FSTL4: variants seen among roughly 807,000 people sequenced by gnomAD.
FSTL4 encodes the protein follistatin like 4.
A neutral mutation model predicts 78.2 loss-of-function variants in FSTL4; 28 were observed. The observed-to-expected ratio is 0.36, with a 90% confidence interval of 0.27 to 0.49. The LOEUF is 0.49. Among genes scored for constraint, FSTL4 ranks in the 20% least tolerant of loss-of-function variants. The pLI is 0.98. For synonymous variants in FSTL4, 422 were observed against 440.5 expected (o/e 0.96, Z 0.53); for missense variants, 922 against 1,084.9 (o/e 0.85, Z 2.11).
In FSTL4 at chr5:133,455,129, G is replaced by A. The variant is rs540090018; in HGVS notation, c.161-54143C>T. Among the ~76,000 whole-genome samples, 4 of 152,330 alleles carry A rather than the reference G, an allele frequency of 2.6e-5. No homozygotes were observed. The East Asian group carries it at 5.8e-4, about 22-fold the overall frequency. On this transcript the variant is annotated intron_variant, in intron 3 of 15. Transcript: ENST00000265342. Reference sequence around the variant, plus strand: ...GGGAGACGTGGCCCCTGCCTTGGGAGGTTTGTGGTTGAGTTGAGGAAGAGT... The same window carrying A: ...GGGAGACGTGGCCCCTGCCTTGGGAAGTTTGTGGTTGAGTTGAGGAAGAGT...
At chr5:133,817,046 T>A in the FSTL4 span, among the ~76,000 whole-genome samples, 1 of 152,342 alleles carries the variant, frequency 6.6e-6, no homozygotes, top group Non-Finnish European at 1.5e-5. Context: ...CCCAGTGGCA[T>A]CCCCAACACT....
At chr5:133,628,635 T>C in the FSTL4 span, among the ~76,000 whole-genome samples, 2 of 152,092 alleles carry the variant, frequency 1.3e-5, no homozygotes, top group South Asian at 4.1e-4. Context: ...GCTGGGGTTA[T>C]AGGTGTGAGC....
At chr5:133,378,168 C>A (rs1241602515) in intron 4 of FSTL4, among the ~76,000 whole-genome samples, 1 of 151,788 alleles carries the variant, frequency 6.6e-6, no homozygotes, top group Non-Finnish European at 1.5e-5. Flanking sequence ...GCAAGTGACC[C>A]CAGATGGTAA....
the FSTL4 span, among the ~76,000 whole-genome samples, chr5:133,730,936 G>A: frequency 6.6e-6 from 1 of 152,196 alleles, no homozygotes; most frequent in Non-Finnish European, 1.5e-5. Flanking sequence ...AAGAGAGATG[G>A]GAGGTAGACC....
intron 3 of FSTL4, among the ~76,000 whole-genome samples, chr5:133,457,456 C>T (rs1757514137): frequency 6.6e-6 from 1 of 152,250 alleles, no homozygotes; most frequent in African/African-American, 2.4e-5. Flanking sequence ...AAACAAAACT[C>T]TGTAGCCAAT....
intron 3 of FSTL4, among the ~76,000 whole-genome samples, chr5:133,421,761 GCTCA>G (rs1580698049): frequency 6.6e-6 from 1 of 151,404 alleles, no homozygotes; most frequent in East Asian, 1.9e-4. Flanking sequence ...TGGGCATCAT[GCTCA>G]CTCATTCATT....
In FSTL4 at chr5:133,233,532, A is replaced by C. The variant is rs1381721325; in HGVS notation, c.900T>G (p.Phe300Leu). 1 of 1,613,306 alleles carries C rather than the reference A, an allele frequency of 6.2e-7. No homozygotes were observed. Among genetic ancestry groups the C allele is most frequent in the East Asian group, 2.2e-5 (1 of 44,754 alleles). Residue 300 changes from phenylalanine (F) to leucine (L), a missense_variant, in exon 8 of 16, where the codon TTT becomes TTG. Phe to Leu is a conservative substitution (Grantham distance 22). Transcript: ENST00000265342. Reference sequence around the variant, plus strand: ...TGATGTACAGGGAATCATCCTCTCCAAAGTCCTGCACAGGGCAAAGATGAC... The same window carrying C: ...TGATGTACAGGGAATCATCCTCTCCCAAGTCCTGCACAGGGCAAAGATGAC... ...NFLDLEDIND[F>L]GEDDSLYITK... is the part of the protein sequence containing the mutation.
the FSTL4 span, among the ~76,000 whole-genome samples, chr5:133,765,293 G>C: frequency 6.6e-6 from 1 of 152,164 alleles, no homozygotes; most frequent in South Asian, 2.1e-4. Context: ...GTTTTTCATA[G>C]AAAATATTAC....
At chr5:133,698,891 C>T in the FSTL4 span, among the ~76,000 whole-genome samples, 1 of 152,224 alleles carries the variant, frequency 6.6e-6, no homozygotes, top group African/African-American at 2.4e-5. Context: ...GGAGACAGAC[C>T]CACGGCTCTC....
chr5:133,471,581 C>A lies in FSTL4; in HGVS notation c.161-70595G>T, dbSNP rs181775425. ...CTATGAACCAGAAAGTGGGCCCTCA[C>A]CAGACTCTGACTTGGCCAGTGCTTT... On this transcript the variant is annotated intron_variant, in intron 3 of 15. Transcript: ENST00000265342. 1.0e-3 allele frequency among the ~76,000 whole-genome samples: 158 copies of A among 152,302 alleles called. No individual in the cohort carries two copies. The South Asian group carries it at 0.015, about 14-fold the overall frequency.
chr5:133,808,731 C>G, the FSTL4 span, among the ~76,000 whole-genome samples: 1 of 152,102 alleles, frequency 6.6e-6, no homozygotes, highest in African/African-American at 2.4e-5. Context: ...AACAAGCCAG[C>G]TGGGATTGCA....
At chr5:133,583,167 A>G (rs1439855914) in intron 2 of FSTL4, 2 of 438,124 alleles carry the variant, frequency 4.6e-6, no homozygotes, top group East Asian at 1.4e-4. Context: ...AAACACCAGC[A>G]CATTCCCACT....
In FSTL4 at chr5:133,346,601, A is replaced by G. The variant is rs180736972; in HGVS notation, c.410-29949T>C. On this transcript the variant is annotated intron_variant, in intron 4 of 15. Transcript: ENST00000265342. Reference sequence around the variant, plus strand: ...ATATCAAGAGGATACGCAACTATACAACTGTGGGTCTTTTTTCATTCCCCC... The same window carrying G: ...ATATCAAGAGGATACGCAACTATACGACTGTGGGTCTTTTTTCATTCCCCC... 5.8e-3 allele frequency among the ~76,000 whole-genome samples: 880 copies of G among 151,802 alleles called. 5 individuals are homozygous for G. Among genetic ancestry groups the G allele is most frequent in the Middle Eastern group, 0.02 (6 of 294 alleles).
chr5:133,499,230 T>C (rs1169376749), intron 3 of FSTL4, among the ~76,000 whole-genome samples: 1 of 152,152 alleles, frequency 6.6e-6, no homozygotes, highest in Non-Finnish European at 1.5e-5. Flanking sequence ...TCTAATGTCC[T>C]GGGATGGCTG....
chr5:133,737,297 T>C, the FSTL4 span, among the ~76,000 whole-genome samples: 1 of 150,442 alleles, frequency 6.6e-6, no homozygotes, highest in Non-Finnish European at 1.5e-5. Context: ...TTTTACTCTC[T>C]ATGTCCATGA....
At chr5:133,816,205 T>C in the FSTL4 span, among the ~76,000 whole-genome samples, 1 of 152,162 alleles carries the variant, frequency 6.6e-6, no homozygotes, top group African/African-American at 2.4e-5. Flanking sequence ...GTGGGCTCCC[T>C]GCAGTGAGGG....
intron 3 of FSTL4, among the ~76,000 whole-genome samples, chr5:133,526,900 C>T (rs1004806681): frequency 1.1e-4 from 17 of 152,126 alleles, no homozygotes; most frequent in African/African-American, 3.9e-4. Flanking sequence ...ACTTCCTTCA[C>T]CTCCAAAAGG....
chr5:133,653,858 C>T, the FSTL4 span, among the ~76,000 whole-genome samples: 107 of 152,338 alleles, frequency 7.0e-4, no homozygotes, highest in South Asian at 0.022. Context: ...TCATGAGAGA[C>T]TGCACCGGGC....
At chr5:133,474,031 C>G (rs1209844151) in intron 3 of FSTL4, among the ~76,000 whole-genome samples, 1 of 152,152 alleles carries the variant, frequency 6.6e-6, no homozygotes, top group Non-Finnish European at 1.5e-5. Context: ...ACCATGTCAT[C>G]TTGCTACAGG....
Sources: gnomAD v4.1 joint callset for allele counts (sites outside exome capture counted in the v4.1 genomes callset) on GRCh38, gnomAD v4.1.1 for gene constraint, MANE v1.5 for transcripts, NCBI Gene and HGNC (gene_info 2026-07-23, HGNC 2026-07-21) for gene names.